Variants in MIA2 observed in about 807,000 individuals in gnomAD.
MIA2 encodes the protein melanoma inhibitory activity protein 2.
MIA2 carries 127 observed loss-of-function variants against 167.8 expected under a neutral mutation model. That is an observed-to-expected ratio of 0.76 (90% CI 0.66 to 0.88). The LOEUF is 0.88. Ranked by LOEUF, MIA2 falls within the 40% of genes least tolerant of loss-of-function variation. The pLI is 0.00. For missense variants in MIA2, 1,690 were observed against 1,624.7 expected, an observed-to-expected ratio of 1.04 and a Z score of -0.69; for synonymous variants, 552 against 541.9, an observed-to-expected ratio of 1.02 and a Z score of -0.26.
intron 26 of MIA2, among the ~76,000 whole-genome samples, chr14:39,346,738 A>G (rs964935308): frequency 6.7e-6 from 1 of 149,770 alleles, no homozygotes; most frequent in African/African-American, 2.4e-5. Context: ...TAGACTATAT[A>G]ATATAGCTGG....
At chr14:39,299,244 A>G (rs1373209839) in intron 13 of MIA2, among the ~76,000 whole-genome samples, 1 of 150,828 alleles carries the variant, frequency 6.6e-6, no homozygotes, top group African/African-American at 2.4e-5. Flanking sequence ...CTTTCCTGTA[A>G]AAGTATATAT....
intron 18 of MIA2, among the ~76,000 whole-genome samples, chr14:39,311,462 GT>G (rs1290524955): frequency 9.1e-5 from 10 of 110,066 alleles, no homozygotes; most frequent in African/African-American, 3.5e-4. Flanking sequence ...AGCTTGATGT[GT>G]TGCTTTTTTT....
downstream of MIA2, among the ~76,000 whole-genome samples, chr14:39,353,650 C>T (rs1567043832): frequency 6.6e-6 from 1 of 151,982 alleles, no homozygotes. Context: ...ATACATGTGC[C>T]ATGTTGGTGT....
In MIA2 at chr14:39,348,861, C is replaced by T. The variant is rs1162544093; in HGVS notation, c.3956C>T (p.Pro1319Leu). ...TTGTTTCCAGTGGATGCAAGAGGCC[C>T]ATTCTTGAGAAGAGGACCTCCTTTC... ...GPLFPVDARG[P>L]FLRRGPPFPP... The change falls in exon 28 of 29, where the codon CCA becomes CTA. Residue 1319 changes from proline (P) to leucine (L), a missense_variant. Pro to Leu is a moderately conservative substitution (Grantham distance 98, BLOSUM62 -3). Transcript: ENST00000640607. 2 of 1,614,078 alleles carry T rather than the reference C, an allele frequency of 1.2e-6. No homozygotes were observed. The highest frequency in any genetic ancestry group is 8.5e-7 in the Non-Finnish European group (1 of 1,179,982).
intron 23 of MIA2, chr14:39,386,243 G>C: frequency 7.0e-7 from 1 of 1,428,916 alleles, no homozygotes; most frequent in Non-Finnish European, 9.9e-7. Context: ...ATTTTTGGTA[G>C]AGGGTCCTTC....
chr14:39,239,771 A>C (rs548159936), intron 2 of MIA2, among the ~76,000 whole-genome samples: 1 of 152,288 alleles, frequency 6.6e-6, no homozygotes, highest in East Asian at 1.9e-4. Flanking sequence ...AGTTTTGTGC[A>C]TTTGATGTTT....
In MIA2 at chr14:39,313,457, T is replaced by C. The variant is rs1595485015; in HGVS notation, c.3119+16T>C. On this transcript the variant is annotated intron_variant, in intron 19 of 28. Coordinates refer to ENST00000640607, the MANE Select transcript of MIA2 (RefSeq NM_001329214.4). ...AGACCTATAGGTATTAAATACATTTTTCTGGTTTCTTTTTTGGAATGGGAA... is the reference window on the plus strand; with the variant it reads ...AGACCTATAGGTATTAAATACATTTCTCTGGTTTCTTTTTTGGAATGGGAA... 1 of 1,451,442 alleles carries C rather than the reference T, an allele frequency of 6.9e-7. No individual in the cohort carries two copies. The allele number at this position is 1,451,442 out of a possible 1,614,324, so 89.9% of individuals were successfully genotyped here.
chr14:39,252,842 A>G lies in MIA2; in HGVS notation c.1662A>G (p.Pro554=), dbSNP rs758717920. 1.3e-5 allele frequency: 21 copies of G among 1,613,922 alleles called. No individual in the cohort carries two copies. The highest frequency in any genetic ancestry group is 1.4e-5 in the Non-Finnish European group (17 of 1,179,944). ...SSKDSDENSK[P]SVDTEGPALV... Reference sequence around the variant, plus strand: ...AAGATAGTGATGAAAATTCGAAACCATCAGTAGACACCGAAGGGCCTGCTC... The same window carrying G: ...AAGATAGTGATGAAAATTCGAAACCGTCAGTAGACACCGAAGGGCCTGCTC... The change falls in exon 5 of 29, where the codon CCA becomes CCG. Residue 554 remains proline, a synonymous_variant. Coordinates refer to ENST00000640607, the MANE Select transcript of MIA2 (RefSeq NM_001329214.4).
chr14:39,348,853 A>G lies in MIA2; in HGVS notation c.3948A>G (p.Ala1316=). ...PIRGPLFPVD[A]RGPFLRRGPP... The stretch of plus-strand genomic sequence containing the variant: ...GAGGTCCATTGTTTCCAGTGGATGC[A>G]AGAGGCCCATTCTTGAGAAGAGGAC... The change falls in exon 28 of 29, where the codon GCA becomes GCG. Residue 1316 remains alanine, a synonymous_variant. Coordinates refer to ENST00000640607, the MANE Select transcript of MIA2 (RefSeq NM_001329214.4). 1.2e-5 allele frequency: 20 copies of G among 1,614,086 alleles called. No individual in the cohort carries two copies. Among genetic ancestry groups the G allele is most frequent in the Non-Finnish European group, 1.7e-5 (20 of 1,179,962 alleles).
chr14:39,243,720 G>A (rs889719795), intron 3 of MIA2, among the ~76,000 whole-genome samples: 3 of 152,138 alleles, frequency 2.0e-5, no homozygotes, highest in Admixed American at 6.6e-5. Context: ...ACAAAAATTA[G>A]CCAGGTGTGG....
chr14:39,338,522 CTT>C (rs1381923156), intron 25 of MIA2, among the ~76,000 whole-genome samples: 1 of 151,862 alleles, frequency 6.6e-6, no homozygotes, highest in Non-Finnish European at 1.5e-5. Context: ...AATTAGAAAA[CTT>C]ATTTATAATT....
intron 3 of MIA2, among the ~76,000 whole-genome samples, chr14:39,244,009 G>T (rs1224401588): frequency 6.6e-6 from 1 of 152,212 alleles, no homozygotes; most frequent in Non-Finnish European, 1.5e-5. Context: ...AGACTGAGTG[G>T]GGGAACCCAG....
rs150000006 is a variant in MIA2, at chr14:39,247,322, T to C, written c.748T>C (p.Ser250Pro). The change falls in exon 4 of 29, where the codon TCA becomes CCA. Residue 250 changes from serine to proline, a missense_variant. By Grantham distance (74) the Ser-to-Pro change is moderately conservative. Coordinates refer to ENST00000640607, the MANE Select transcript of MIA2 (RefSeq NM_001329214.4). Reference protein sequence around the residue: ...ESVIEPVQESSFRSRKIAVED... With the variant: ...ESVIEPVQESPFRSRKIAVED... ...AGTTATTGAACCTGTACAAGAAAGC[T>C]CATTTCGGAGTAGAAAAATAGCAGT... 2.5e-4 allele frequency: 398 copies of C among 1,614,058 alleles called. 1 individual carries two copies. The highest frequency in any genetic ancestry group is 3.1e-4 in the Non-Finnish European group (360 of 1,180,008).
chr14:39,337,014 C>CT (rs2070575690), intron 25 of MIA2, among the ~76,000 whole-genome samples: 1 of 152,106 alleles, frequency 6.6e-6, no homozygotes. Flanking sequence ...CCTCAGCCTC[C>CT]TGAATAGTGG....
chr14:39,334,098 A>G (rs962406658), intron 25 of MIA2, among the ~76,000 whole-genome samples: 1 of 152,202 alleles, frequency 6.6e-6, no homozygotes, highest in Non-Finnish European at 1.5e-5. Flanking sequence ...TGATAAATGT[A>G]TTTCTCAGTT....
At chr14:39,252,994 T>C (rs1387158202) in intron 5 of MIA2, 28 bp downstream of exon 5, 1 of 1,569,718 alleles carries the variant, frequency 6.4e-7, no homozygotes, top group African/African-American at 1.4e-5. Context: ...TATTCTCTAA[T>C]GCATCAATTA....
At position 39,246,792 on chromosome 14, in the gene MIA2, T is replaced by G. The variant is rs1002162300; in HGVS notation, c.337-119T>G. 4 of 527,502 alleles carry G rather than the reference T, an allele frequency of 7.6e-6. No individual in the cohort carries two copies. In the African/African-American group the frequency reaches 7.9e-5, roughly 10 times the overall value. The allele number at this position is 527,502 out of a possible 1,614,324, so 32.7% of individuals were successfully genotyped here. ...GATACAAGTGTTTGAGTTTTTGCTC[T>G]GCTGTTGAGCTAGTCATGTGTCTTG... is the stretch of plus-strand genomic sequence containing the variant. On this transcript the variant is annotated intron_variant, in intron 3 of 28. Coordinates refer to ENST00000640607, the MANE Select transcript of MIA2 (RefSeq NM_001329214.4).
chr14:39,267,133 G>A, intron 6 of MIA2: 1 of 1,149,594 alleles, frequency 8.7e-7, no homozygotes, highest in Non-Finnish European at 1.1e-6. Context: ...GCGCCTCCCC[G>A]CCTTCTCGCG....
At chr14:39,357,820 T>G (rs1461012998) in intron 23 of MIA2, among the ~76,000 whole-genome samples, 2 of 152,200 alleles carry the variant, frequency 1.3e-5, no homozygotes, top group African/African-American at 2.4e-5. Flanking sequence ...GAAGCTTAGT[T>G]TGGCTGGCTA....
Sources: gnomAD v4.1 joint callset for allele counts (sites outside exome capture counted in the v4.1 genomes callset) on GRCh38, gnomAD v4.1.1 for gene constraint, MANE v1.5 for transcripts, NCBI Gene and HGNC (gene_info 2026-07-23, HGNC 2026-07-21) for gene names.